Variants in PAFAH1B1 observed in about 807,000 individuals in gnomAD.
PAFAH1B1 encodes platelet-activating factor acetylhydrolase IB subunit beta.
Under a neutral mutation model 57.5 loss-of-function variants are expected in PAFAH1B1, and 2 were observed. The observed-to-expected ratio is 0.03, with a 90% CI of 0.01 to 0.11. The LOEUF (loss-of-function observed/expected upper bound fraction) is 0.11, where lower values mean the gene tolerates loss of function less well. PAFAH1B1 is among the 10% of genes least tolerant of loss of function. The pLI is 1.00. For synonymous variants in PAFAH1B1, 152 were observed against 169.6 expected, an observed-to-expected ratio of 0.90 and a Z score of 0.81; for missense variants, 257 against 512.0, an observed-to-expected ratio of 0.50 and a Z score of 4.81.
intron 2 of PAFAH1B1, among the ~76,000 whole-genome samples, chr17:2,661,475 T>TA (rs1191751390): frequency 2.0e-5 from 3 of 152,176 alleles, no homozygotes; most frequent in Non-Finnish European, 4.4e-5. Flanking sequence ...TGTTTGTAGA[T>TA]ATGTGGTGTT....
intron 1 of PAFAH1B1, among the ~76,000 whole-genome samples, 186 bp downstream of exon 1, chr17:2,594,192 A>T (rs2068057258): frequency 6.6e-6 from 1 of 151,242 alleles, no homozygotes; most frequent in South Asian, 2.1e-4. Context: ...GGCGGCCGCG[A>T]CGGCCGTTGA....
At chr17:2,619,249 C>T (rs1235108702) in intron 1 of PAFAH1B1, among the ~76,000 whole-genome samples, 1 of 152,080 alleles carries the variant, frequency 6.6e-6, no homozygotes, top group African/African-American at 2.4e-5. Context: ...AACTCCTGGG[C>T]TTAGGTGATC....
At chr17:2,675,062 C>T (rs1265242348) in intron 8 of PAFAH1B1, among the ~76,000 whole-genome samples, 4 of 152,024 alleles carry the variant, frequency 2.6e-5, no homozygotes, top group Non-Finnish European at 2.9e-5. Flanking sequence ...AGTACAGTAG[C>T]GTGATCTCGG....
chr17:2,604,850 G>C (rs1008421094), intron 1 of PAFAH1B1, among the ~76,000 whole-genome samples: 2 of 152,112 alleles, frequency 1.3e-5, no homozygotes, highest in Non-Finnish European at 1.5e-5. Flanking sequence ...GGTCATTTTA[G>C]GTGGAGGGAA....
rs955541680 is a variant in PAFAH1B1 at position 2,665,450 on chromosome 17, A to C, written c.111A>C (p.Leu37Phe). ...CAGTTTTTAAAAAGGAAGCTGAATT[A>C]GATGTGGTATGTTTTACTTTTTACA... is the stretch of plus-strand genomic sequence containing the variant. ...AYSVFKKEAE[L>F]DVNEELDKKY... The change falls in exon 3 of 11, where the codon TTA (leucine) becomes TTC (phenylalanine). Residue 37 changes from leucine (L) to phenylalanine (F), a missense_variant. Leu to Phe is a conservative substitution (Grantham distance 22, BLOSUM62 0). Coordinates refer to ENST00000397195, the MANE Select transcript of PAFAH1B1 (RefSeq NM_000430.4). The C allele has an allele frequency of 4.5e-6, 7 of 1,566,032 alleles. No individual in the cohort carries two copies. The African/African-American group carries it at 9.5e-5, about 21-fold the overall frequency.
chr17:2,593,845 T>TG lies in PAFAH1B1; in HGVS notation c.-352_-351insG. ...CGGAACGGCTGAGGAGCCCGCCCGC[T>TG]CCCCTCCCCTCCCCCTCCCCGGGCC... On this transcript the variant is annotated 5_prime_UTR_variant, in exon 1 of 11. Transcript: ENST00000397195. 1.9e-5 allele frequency: 3 copies of TG among 157,456 alleles called. No individual in the cohort carries two copies. Among genetic ancestry groups the TG allele is most frequent in the Non-Finnish European group, 1.2e-5 (1 of 82,966 alleles). 9.8% of individuals were successfully genotyped at this position (157,456 alleles called of 1,614,324 possible).
chr17:2,645,289 TATA>T (rs1185799889), intron 2 of PAFAH1B1, among the ~76,000 whole-genome samples: 2 of 151,924 alleles, frequency 1.3e-5, no homozygotes, highest in Non-Finnish European at 1.5e-5. Flanking sequence ...AAATTTGTCT[TATA>T]ATAAGATTTA....
rs2068421993 is a variant in PAFAH1B1 at position 2,621,605 on chromosome 17, G to GTTTTTTTTTTTTTT, written c.-190-16493_-190-16492insTTTTTTTTTTTTTT. Reference sequence around the variant, plus strand: ...GCTATTCAAGCATGGTAGATAATCTGTCTTTTTTTTTTTTTTTTTTTTTTT... The same window carrying GTTTTTTTTTTTTTT: ...GCTATTCAAGCATGGTAGATAATCTGTTTTTTTTTTTTTTTCTTTTTTTTTTTTTTTTTTTTTTT... On this transcript the variant is annotated intron_variant, in intron 1 of 10. Coordinates refer to ENST00000397195, the MANE Select transcript of PAFAH1B1 (RefSeq NM_000430.4). Among the ~76,000 whole-genome samples the GTTTTTTTTTTTTTT allele has an allele frequency of 1.8e-4, 17 of 93,208 alleles. 3 individuals are homozygous for GTTTTTTTTTTTTTT. The highest frequency in any genetic ancestry group is 1.6e-4 in the Non-Finnish European group (8 of 49,582). 61.1% of individuals were successfully genotyped at this position (93,208 alleles called of 152,430 possible).
At chr17:2,618,708 C>T (rs1407705311) in intron 1 of PAFAH1B1, among the ~76,000 whole-genome samples, 3 of 151,290 alleles carry the variant, frequency 2.0e-5, no homozygotes, top group Non-Finnish European at 4.4e-5. Flanking sequence ...AGTGCAGTGG[C>T]GTGATCTCGG....
intron 1 of PAFAH1B1, among the ~76,000 whole-genome samples, chr17:2,597,454 A>C (rs1292618899): frequency 8.7e-6 from 1 of 115,580 alleles, no homozygotes; most frequent in African/African-American, 3.5e-5. Context: ...TCTGTTGCCC[A>C]GGCTAGAGTG....
At chr17:2,597,744 C>A (rs2068100075) in intron 1 of PAFAH1B1, among the ~76,000 whole-genome samples, 1 of 78,088 alleles carries the variant, frequency 1.3e-5, no homozygotes, top group East Asian at 2.5e-4. Context: ...ATAAATGTTT[C>A]TCTCTCAGTT....
chr17:2,596,555 A>G (rs1017798781), intron 1 of PAFAH1B1, among the ~76,000 whole-genome samples: 3 of 152,214 alleles, frequency 2.0e-5, no homozygotes, highest in Non-Finnish European at 4.4e-5. Context: ...AGACATCTTC[A>G]AAAGAATTTC....
intron 9 of PAFAH1B1, 109 bp from the exon 10 acceptor site, chr17:2,680,055 C>A: frequency 1.0e-6 from 1 of 993,606 alleles, no homozygotes; most frequent in Non-Finnish European, 1.6e-6. Flanking sequence ...CTTTTATTTT[C>A]TTCTGGTCTT....
At chr17:2,612,348 C>T (rs770571892) in intron 1 of PAFAH1B1, among the ~76,000 whole-genome samples, 15 of 151,610 alleles carry the variant, frequency 9.9e-5, no homozygotes, top group Non-Finnish European at 1.9e-4. Flanking sequence ...GGACTACAGG[C>T]GCGCACCACC....
chr17:2,679,120 A>G (rs1255894249), intron 9 of PAFAH1B1, among the ~76,000 whole-genome samples: 1 of 152,108 alleles, frequency 6.6e-6, no homozygotes, highest in African/African-American at 2.4e-5. Context: ...TGAATGTGCT[A>G]TTTTTTATAA....
upstream of PAFAH1B1, chr17:2,593,187 TGG>T (rs2068040240): frequency 4.6e-5 from 7 of 151,510 alleles, no homozygotes; most frequent in Admixed American, 3.9e-4. Context: ...CCCCCCAAAC[TGG>T]GAAATCATCT....
At chr17:2,637,744 C>T (rs935153756) in intron 1 of PAFAH1B1, among the ~76,000 whole-genome samples, 1 of 152,110 alleles carries the variant, frequency 6.6e-6, no homozygotes, top group African/African-American at 2.4e-5. Flanking sequence ...CCTTTTATAC[C>T]TTTTTTGTAA....
At chr17:2,625,578 C>T (rs990558945) in intron 1 of PAFAH1B1, among the ~76,000 whole-genome samples, 3 of 152,062 alleles carry the variant, frequency 2.0e-5, no homozygotes, top group South Asian at 2.1e-4. Context: ...GTAGATTGTT[C>T]GTTGCAAAAT....
intron 1 of PAFAH1B1, among the ~76,000 whole-genome samples, chr17:2,595,884 G>A (rs2068079710): frequency 6.6e-6 from 1 of 152,138 alleles, no homozygotes; most frequent in Non-Finnish European, 1.5e-5. Flanking sequence ...TAAAAAAATG[G>A]GCTAATATTT....
Sources: allele counts gnomAD v4.1 joint callset (sites outside exome capture counted in the v4.1 genomes callset), GRCh38; gene constraint gnomAD v4.1.1; transcripts MANE v1.5; gene names NCBI Gene and HGNC (gene_info 2026-07-23, HGNC 2026-07-21).